The following DCUN1D4 variants were observed in gnomAD, a reference collection of about 807,000 sequenced individuals.
The protein encoded by DCUN1D4 is defective in cullin neddylation 1 domain containing 4, also known as DCN1-like protein 4.
DCUN1D4 carries 22 observed loss-of-function variants against 47.9 expected under a neutral mutation model. That is an observed-to-expected ratio of 0.46 (90% CI 0.33 to 0.66). The LOEUF is 0.66. DCUN1D4 is among the 30% of genes least tolerant of loss of function. The pLI is 0.02. For missense variants in DCUN1D4, 301 were observed against 340.8 expected (o/e 0.88, Z 0.92); for synonymous variants, 121 against 112.2 (o/e 1.08, Z -0.50).
intron 7 of DCUN1D4, among the ~76,000 whole-genome samples, chr4:51,896,438 C>G (rs1043557613): frequency 6.6e-6 from 1 of 152,176 alleles, no homozygotes; most frequent in African/African-American, 2.4e-5. Flanking sequence ...GTAGACAGGA[C>G]TAAACTAAAC....
chr4:51,861,387 G>T (rs1725021819), intron 1 of DCUN1D4, among the ~76,000 whole-genome samples: 1 of 152,088 alleles, frequency 6.6e-6, no homozygotes, highest in Non-Finnish European at 1.5e-5. Context: ...TATGAGTTGG[G>T]CCCAGCTCAC....
intron 1 of DCUN1D4, among the ~76,000 whole-genome samples, chr4:51,852,791 A>T (rs1723560805): frequency 6.6e-6 from 1 of 152,194 alleles, no homozygotes; most frequent in Non-Finnish European, 1.5e-5. Context: ...GGCTTTATGG[A>T]TGAGGACACG....
At chr4:51,859,665 A>C (rs10605449) in intron 1 of DCUN1D4, among the ~76,000 whole-genome samples, 9 of 125,234 alleles carry the variant, frequency 7.2e-5, no homozygotes, top group African/African-American at 2.8e-4. Flanking sequence ...AAAAAAAAAA[A>C]CCCAGACAAG....
chr4:51,891,673 G>T, intron 6 of DCUN1D4, 87 bp from the exon 7 acceptor site: 1 of 1,037,096 alleles, frequency 9.6e-7, no homozygotes, highest in Non-Finnish European at 1.4e-6. Context: ...TTAGCAAAAC[G>T]TTAATGTATT....
chr4:51,895,154 G>A (rs1223210831), intron 7 of DCUN1D4, among the ~76,000 whole-genome samples: 3 of 151,774 alleles, frequency 2.0e-5, no homozygotes, highest in Non-Finnish European at 2.9e-5. Context: ...AAATTTCAGG[G>A]GGATACAAAC....
intron 7 of DCUN1D4, among the ~76,000 whole-genome samples, chr4:51,894,246 T>C (rs1257034981): frequency 6.6e-6 from 1 of 152,176 alleles, no homozygotes; most frequent in Non-Finnish European, 1.5e-5. Context: ...GAGATAATTA[T>C]TCAGAATAAC....
At chr4:51,908,334 G>A (rs903597596) in intron 8 of DCUN1D4, among the ~76,000 whole-genome samples, 1 of 152,164 alleles carries the variant, frequency 6.6e-6, no homozygotes, top group Admixed American at 6.5e-5. Flanking sequence ...TTTGGGTCAA[G>A]AGGTGGGTAG....
intron 8 of DCUN1D4, among the ~76,000 whole-genome samples, chr4:51,907,746 GA>G (rs1338844793): frequency 6.6e-6 from 1 of 152,074 alleles, no homozygotes; most frequent in Non-Finnish European, 1.5e-5. Context: ...GTATAAATTG[GA>G]AATACATCTT....
intron 4 of DCUN1D4, among the ~76,000 whole-genome samples, chr4:51,877,247 A>G (rs1255993094): frequency 6.6e-6 from 1 of 152,188 alleles, no homozygotes; most frequent in Non-Finnish European, 1.5e-5. Context: ...GCCTTACATC[A>G]AAGTTTATTT....
At chr4:51,861,956 G>GGTA (rs2109890354) in intron 1 of DCUN1D4, among the ~76,000 whole-genome samples, 2 of 152,236 alleles carry the variant, frequency 1.3e-5, no homozygotes, top group South Asian at 4.1e-4. Context: ...ATAAATAGGT[G>GGTA]TATAATACAC....
chr4:51,861,308 G>C (rs570498882), intron 1 of DCUN1D4, among the ~76,000 whole-genome samples: 1 of 152,224 alleles, frequency 6.6e-6, no homozygotes, highest in South Asian at 2.1e-4. Flanking sequence ...GGTGTAGGAA[G>C]GGCAGTGGGC....
intron 8 of DCUN1D4, among the ~76,000 whole-genome samples, chr4:51,904,593 C>T (rs1451007947): frequency 2.0e-5 from 3 of 152,208 alleles, no homozygotes; most frequent in African/African-American, 7.2e-5. Context: ...GAAACCACCT[C>T]CACAGAGTAA....
At chr4:51,845,037 C>T (rs1722308832) in intron 1 of DCUN1D4, 1 of 985,376 alleles carries the variant, frequency 1.0e-6, no homozygotes. Flanking sequence ...TCTTGGTCCC[C>T]AAGTGAATTT....
Position 51,891,745 on chromosome 4 carries a change from AT to A in DCUN1D4, c.415-6del, listed in dbSNP as rs530164635. On this transcript the variant is annotated splice_polypyrimidine_tract_variant and intron_variant, in intron 6 of 10. Transcript: ENST00000334635. ...GTAATATATTTTTTTTTAATTGTGTATTTTTTTTTAACAGGTAGTTATGCTT... is the reference window on the plus strand; with the variant it reads ...GTAATATATTTTTTTTTAATTGTGTATTTTTTTTAACAGGTAGTTATGCTT... 5.3e-4 allele frequency: 810 copies of A among 1,535,156 alleles called. No individual in the cohort carries two copies. Among genetic ancestry groups the A allele is most frequent in the East Asian group, 6.3e-4 (27 of 43,132 alleles).
At chr4:51,843,061 A>G, upstream of DCUN1D4, 1 of 1,386,730 alleles carries the variant, frequency 7.2e-7, no homozygotes, top group Non-Finnish European at 9.3e-7. Context: ...CTTTTGTCAA[A>G]TGAGAGACGC....
chr4:51,845,584 C>G (rs1416611274), intron 1 of DCUN1D4, among the ~76,000 whole-genome samples: 2 of 152,170 alleles, frequency 1.3e-5, no homozygotes, highest in Non-Finnish European at 2.9e-5. Flanking sequence ...CACCAGTTCC[C>G]TTTACTGTTT....
intron 1 of DCUN1D4, among the ~76,000 whole-genome samples, chr4:51,856,621 G>T (rs1379311983): frequency 6.6e-6 from 1 of 152,184 alleles, no homozygotes; most frequent in Non-Finnish European, 1.5e-5. Context: ...CTTGGATTGG[G>T]AGTTAGAAGA....
At chr4:51,842,677 G>A (rs1036246607), upstream of DCUN1D4, among the ~76,000 whole-genome samples, 2 of 152,220 alleles carry the variant, frequency 1.3e-5, no homozygotes, top group African/African-American at 4.8e-5. Context: ...GGGCGCTAGG[G>A]ACGGACGCAT....
intron 1 of DCUN1D4, among the ~76,000 whole-genome samples, chr4:51,857,573 T>G (rs1453393072): frequency 6.6e-6 from 1 of 152,174 alleles, no homozygotes; most frequent in Non-Finnish European, 1.5e-5. Context: ...ATGTGGGGAT[T>G]ATGTTTGTTT....
Sources: allele counts gnomAD v4.1 joint callset (sites outside exome capture counted in the v4.1 genomes callset), GRCh38; gene constraint gnomAD v4.1.1; transcripts MANE v1.5; gene names NCBI Gene and HGNC (gene_info 2026-07-23, HGNC 2026-07-21).